Variants in IMMP2L observed in about 807,000 individuals in gnomAD.
IMMP2L encodes the protein inner mitochondrial membrane peptidase subunit 2.
IMMP2L carries 18 observed loss-of-function variants against 19.3 expected under a neutral mutation model. That is an observed-to-expected ratio of 0.93 (90% CI 0.64 to 1.38). IMMP2L has a LOEUF of 1.38. Among genes scored for constraint, IMMP2L ranks in the 40% most tolerant of loss-of-function variants. IMMP2L has a pLI of 0.00. For missense variants in IMMP2L, 233 were observed against 218.2 expected (o/e 1.07, Z -0.43); for synonymous variants, 76 against 73.0 (o/e 1.04, Z -0.21).
intron 2 of IMMP2L, among the ~76,000 whole-genome samples, chr7:111,518,040 T>C (rs774674511): frequency 4.6e-5 from 7 of 152,164 alleles, no homozygotes; most frequent in Non-Finnish European, 1.0e-4. Flanking sequence ...TTAGAAACTT[T>C]ATTTTTTATT....
intron 3 of IMMP2L, among the ~76,000 whole-genome samples, chr7:111,228,768 T>C (rs1813384796): frequency 6.6e-6 from 1 of 152,100 alleles, no homozygotes; most frequent in African/African-American, 2.4e-5. Flanking sequence ...AAATATAGCA[T>C]ATCCTATGGC....
Position 110,815,742 on chromosome 7 carries a change from GT to G in IMMP2L, c.408+70850del, listed in dbSNP as rs1460720176. Among the ~76,000 whole-genome samples the G allele has an allele frequency of 1.2e-4, 18 of 152,240 alleles. No homozygotes were observed. The East Asian group carries it at 3.5e-3, about 29-fold the overall frequency. Reference sequence around the variant, plus strand: ...TTATCCATTTCTTCTAGATTTTCTAGTTTATTTGCGTAGAAGTGTTTGTATT... The same window carrying G: ...TTATCCATTTCTTCTAGATTTTCTAGTTATTTGCGTAGAAGTGTTTGTATT... On this transcript the variant is annotated intron_variant, in intron 5 of 5. Transcript: ENST00000405709.
intron 3 of IMMP2L, among the ~76,000 whole-genome samples, chr7:111,016,819 TATATA>T (rs1825688078): frequency 1.7e-5 from 1 of 57,764 alleles, no homozygotes; most frequent in Non-Finnish European, 3.3e-5. Context: ...CTATATATTA[TATATA>T]ATATATAGTA....
intron 5 of IMMP2L, among the ~76,000 whole-genome samples, chr7:110,736,834 C>T (rs1484655229): frequency 6.6e-6 from 1 of 152,138 alleles, no homozygotes; most frequent in Non-Finnish European, 1.5e-5. Flanking sequence ...TGAGTCTCAT[C>T]CATATCTGAT....
intron 3 of IMMP2L, among the ~76,000 whole-genome samples, chr7:111,235,046 C>G (rs1814129823): frequency 6.6e-6 from 1 of 152,122 alleles, no homozygotes; most frequent in African/African-American, 2.4e-5. Context: ...CATTTTTCTT[C>G]TGTCTGAAGA....
At chr7:110,959,426 A>G (rs1818702785) in intron 4 of IMMP2L, among the ~76,000 whole-genome samples, 1 of 151,934 alleles carries the variant, frequency 6.6e-6, no homozygotes, top group Non-Finnish European at 1.5e-5. Flanking sequence ...ATTGAGTCAC[A>G]GAGAAAAGAT....
At chr7:111,446,832 C>A (rs1281164129) in intron 3 of IMMP2L, among the ~76,000 whole-genome samples, 1 of 151,478 alleles carries the variant, frequency 6.6e-6, no homozygotes, top group East Asian at 1.9e-4. Flanking sequence ...GAATGTATAA[C>A]TAGAATAACC....
At chr7:111,344,947 A>C (rs1827386527) in intron 3 of IMMP2L, among the ~76,000 whole-genome samples, 1 of 152,090 alleles carries the variant, frequency 6.6e-6, no homozygotes, top group Admixed American at 6.6e-5. Context: ...AAATCTCTGG[A>C]GGAGAATATG....
intron 5 of IMMP2L, among the ~76,000 whole-genome samples, chr7:110,669,915 A>G (rs1424915391): frequency 1.3e-5 from 2 of 152,224 alleles, no homozygotes; most frequent in African/African-American, 4.8e-5. Context: ...TTGCCCTAAT[A>G]TAATTGCTTC....
Position 111,383,528 on chromosome 7 carries a change from G to T in IMMP2L, c.239+103710C>A, listed in dbSNP as rs544704101. Among the ~76,000 whole-genome samples, 121 of 152,224 alleles carry T rather than the reference G, an allele frequency of 7.9e-4. 1 individual carries two copies. Among genetic ancestry groups the T allele is most frequent in the African/African-American group, 2.6e-3 (109 of 41,554 alleles). On this transcript the variant is annotated intron_variant, in intron 3 of 5. Transcript: ENST00000405709. ...AACCGAGCTACGCCTACAAAACCAA[G>T]ACTCATGGTTCAACACTCCTCATTG... is the stretch of plus-strand genomic sequence containing the variant.
chr7:111,257,405 G>C (rs2129633707), intron 3 of IMMP2L, among the ~76,000 whole-genome samples: 1 of 152,170 alleles, frequency 6.6e-6, no homozygotes, highest in South Asian at 2.1e-4. Context: ...ACATGCAATT[G>C]CAAGTTTAAA....
In IMMP2L at chr7:110,790,813, C is replaced by A. The variant is rs544352511; in HGVS notation, c.408+95780G>T. ...AGTTCCAAAATTCAGTGAGTAAATT[C>A]TTTGATTCTCAGAATGTCTGGGCAC... On this transcript the variant is annotated intron_variant, in intron 5 of 5. Transcript: ENST00000405709. Among the ~76,000 whole-genome samples the A allele has an allele frequency of 7.9e-5, 12 of 151,790 alleles. No homozygotes were observed. The East Asian group carries it at 2.3e-3, about 30-fold the overall frequency.
chr7:111,344,092 GC>G (rs1295327408), intron 3 of IMMP2L, among the ~76,000 whole-genome samples: 2 of 151,712 alleles, frequency 1.3e-5, no homozygotes, highest in Non-Finnish European at 2.9e-5. Context: ...TTCCATTCTT[GC>G]CCCATCCAAT....
intron 5 of IMMP2L, among the ~76,000 whole-genome samples, chr7:110,694,343 C>T (rs1793721030): frequency 2.0e-5 from 3 of 152,060 alleles, no homozygotes; most frequent in Admixed American, 2.0e-4. Context: ...AAGTGTTTGG[C>T]ATCTGTGCCC....
At chr7:110,956,303 TTAAAGAAAGCC>T (rs1818347583) in intron 4 of IMMP2L, among the ~76,000 whole-genome samples, 1 of 152,036 alleles carries the variant, frequency 6.6e-6, no homozygotes, top group Non-Finnish European at 1.5e-5. Context: ...TCAATACTAG[TTAAAGAAAGCC>T]TTGTGCTGTA....
At chr7:111,010,407 G>A (rs58585976) in intron 3 of IMMP2L, among the ~76,000 whole-genome samples, 68,784 of 151,704 alleles carry the variant, frequency 0.45, 17,301 homozygotes, top group Non-Finnish European at 0.58. Context: ...AATGGTTTTC[G>A]TCATTCACAG....
intron 3 of IMMP2L, among the ~76,000 whole-genome samples, chr7:111,005,341 T>C (rs1824179603): frequency 6.6e-6 from 1 of 152,184 alleles, no homozygotes; most frequent in South Asian, 2.1e-4. Flanking sequence ...TTATTAGCAA[T>C]CATACATCTC....
rs568995303 is a variant in IMMP2L, at chr7:111,105,526, T to A, written c.240-141961A>T. Among the ~76,000 whole-genome samples, 10 of 151,954 alleles carry A rather than the reference T, an allele frequency of 6.6e-5. No homozygotes were observed. In the South Asian group the frequency reaches 2.1e-3, roughly 32 times the overall value. Reference sequence around the variant, plus strand: ...CTGGTTTGCTCCCTTATTCTGCAAATCACAAAAATGGGTTGCTGTAGCAAC... The same window carrying A: ...CTGGTTTGCTCCCTTATTCTGCAAAACACAAAAATGGGTTGCTGTAGCAAC... On this transcript the variant is annotated intron_variant, in intron 3 of 5. Coordinates refer to ENST00000405709, the MANE Select transcript of IMMP2L (RefSeq NM_032549.4).
Position 111,040,425 on chromosome 7 carries a change from A to C in IMMP2L, c.240-76860T>G, listed in dbSNP as rs1033130305. On this transcript the variant is annotated intron_variant, in intron 3 of 5. Coordinates refer to ENST00000405709, the MANE Select transcript of IMMP2L (RefSeq NM_032549.4). ...CTTGAATTTTTATTCTTACTGAAGC[A>C]AATACCCAGTTTAGGGGATGTTCTA... Among the ~76,000 whole-genome samples the C allele has an allele frequency of 3.9e-4, 60 of 152,216 alleles. 1 individual carries two copies. Among genetic ancestry groups the C allele is most frequent in the African/African-American group, 1.4e-3 (58 of 41,562 alleles).
Sources: gnomAD v4.1 joint callset for allele counts (sites outside exome capture counted in the v4.1 genomes callset) on GRCh38, gnomAD v4.1.1 for gene constraint, MANE v1.5 for transcripts, NCBI Gene and HGNC (gene_info 2026-07-23, HGNC 2026-07-21) for gene names.